Variants in ARID3B observed in about 807,000 individuals in gnomAD.
The protein encoded by ARID3B is AT-rich interactive domain-containing protein 3B.
A neutral mutation model predicts 51.9 loss-of-function variants in ARID3B; 10 were observed. The observed-to-expected ratio is 0.19, with a 90% CI of 0.12 to 0.33. ARID3B has a LOEUF of 0.33. ARID3B is among the 10% of genes least tolerant of loss of function. ARID3B has a pLI of 1.00. For missense variants in ARID3B, 483 were observed against 716.3 expected (o/e 0.67, Z 3.72); for synonymous variants, 205 against 279.5 (o/e 0.73, Z 2.66).
At chr15:74,570,879 C>T (rs555376296) in intron 2 of ARID3B, among the ~76,000 whole-genome samples, 1 of 152,216 alleles carries the variant, frequency 6.6e-6, no homozygotes, top group Admixed American at 6.5e-5. Context: ...TGAGCTTTAA[C>T]TTTTTTTTCT....
At position 74,544,452 on chromosome 15, in the gene ARID3B, A is replaced by G. The variant is rs765438579; in HGVS notation, c.516A>G (p.Gly172=). ...CCTCACCTTCTGTCTCCACAGCAGG[A>G]CAGCCGAACTGGAATCTGGATGAGC... ...SKASPSVSTA[G]QPNWNLDEQL... is the part of the protein sequence containing the mutation. Residue 172 remains glycine (G), a synonymous_variant, in exon 2 of 9, where the codon GGA becomes GGG. Transcript: ENST00000346246. The G allele has an allele frequency of 4.9e-5, 79 of 1,613,992 alleles. No homozygotes were observed. In the Admixed American group the frequency reaches 1.3e-3, roughly 26 times the overall value.
In ARID3B at chr15:74,591,546, C is replaced by T; in HGVS notation, c.1166-14C>T. 6.2e-7 allele frequency: 1 copy of T among 1,609,742 alleles called. No individual in the cohort carries two copies. On this transcript the variant is annotated splice_polypyrimidine_tract_variant and intron_variant, in intron 6 of 8. Transcript: ENST00000346246. The surrounding 1 kb of genome is among the most constrained non-coding windows in gnomAD (Gnocchi z 5.8). ...GGTCAATTGTGGATTGGTCCAGCTCCAGTTCCTTTGCAGGTGATGGAGCCC... is the reference window on the plus strand; with the variant it reads ...GGTCAATTGTGGATTGGTCCAGCTCTAGTTCCTTTGCAGGTGATGGAGCCC...
At chr15:74,574,328 C>T (rs1567122484) in intron 4 of ARID3B, 2 of 152,256 alleles carry the variant, frequency 1.3e-5, no homozygotes, top group Non-Finnish European at 2.9e-5. Context: ...GAGAGCTACT[C>T]CCAGTAGCCT....
Position 74,597,879 on chromosome 15 carries a change from C to T in ARID3B, c.*2105C>T, listed in dbSNP as rs918937250. ...CCCGATGAGGGGTGCCAGCAGGTGC[C>T]CCCACGAGTGGGGCCTTGGCCCAAG... is the stretch of plus-strand genomic sequence containing the variant. On this transcript the variant is annotated 3_prime_UTR_variant, in exon 9 of 9. Coordinates refer to ENST00000346246, the MANE Select transcript of ARID3B (RefSeq NM_006465.4). The T allele has an allele frequency of 1.9e-6, 1 of 528,074 alleles. No homozygotes were observed. The highest frequency in any genetic ancestry group is 1.9e-5 in the African/African-American group (1 of 53,584). The allele number at this position is 528,074 out of a possible 1,614,324, so 32.7% of individuals were successfully genotyped here.
intron 2 of ARID3B, among the ~76,000 whole-genome samples, chr15:74,571,147 G>C (rs1465405685): frequency 6.6e-6 from 1 of 152,122 alleles, no homozygotes; most frequent in Non-Finnish European, 1.5e-5. Context: ...TCGGAAAGTG[G>C]GTCTTCATCT....
At position 74,597,277 on chromosome 15, in the gene ARID3B, G is replaced by T. The variant is rs569297878; in HGVS notation, c.*1503G>T. On this transcript the variant is annotated 3_prime_UTR_variant, in exon 9 of 9. Transcript: ENST00000346246. ...CTTGCGGCTCACCTCAGTCGAGGAA[G>T]CCCTGGAATGTTCAGCAGAACACCA... is the stretch of plus-strand genomic sequence containing the variant. 78 of 394,312 alleles carry T rather than the reference G, an allele frequency of 2.0e-4. 1 individual carries two copies. The highest frequency in any genetic ancestry group is 1.5e-3 in the African/African-American group (73 of 49,082). The allele number at this position is 394,312 out of a possible 1,614,324, so 24.4% of individuals were successfully genotyped here.
chr15:74,582,312 C>T (rs1033004638), intron 4 of ARID3B, among the ~76,000 whole-genome samples: 3 of 151,970 alleles, frequency 2.0e-5, no homozygotes, highest in Non-Finnish European at 4.4e-5. Context: ...GGATTATAGG[C>T]GCCTGCCACC....
At chr15:74,594,718 CACTT>C (rs956893407) in intron 8 of ARID3B, among the ~76,000 whole-genome samples, 1 of 152,262 alleles carries the variant, frequency 6.6e-6, no homozygotes, top group African/African-American at 2.4e-5. Flanking sequence ...CTGGGCCACT[CACTT>C]CAGAGAGAGG....
intron 7 of ARID3B, among the ~76,000 whole-genome samples, chr15:74,592,691 G>A (rs1387059094): frequency 6.6e-6 from 1 of 152,252 alleles, no homozygotes; most frequent in East Asian, 1.9e-4. Flanking sequence ...TGGTCATGGA[G>A]GGGAGGGGCT....
Position 74,573,327 on chromosome 15 carries a change from T to C in ARID3B, c.697+123T>C, listed in dbSNP as rs2061725969. 2.1e-5 allele frequency: 22 copies of C among 1,073,048 alleles called. No individual in the cohort carries two copies. In the South Asian group the frequency reaches 2.7e-4, roughly 13 times the overall value. 66.5% of individuals were successfully genotyped at this position (1,073,048 alleles called of 1,614,324 possible). Reference sequence around the variant, plus strand: ...ATCCAGGAGGAGAAGAGGCATTTACTGCCAGTTGGTTCTGGATTTAGCCAA... The same window carrying C: ...ATCCAGGAGGAGAAGAGGCATTTACCGCCAGTTGGTTCTGGATTTAGCCAA... On this transcript the variant is annotated intron_variant, in intron 4 of 8. Coordinates refer to ENST00000346246, the MANE Select transcript of ARID3B (RefSeq NM_006465.4).
At chr15:74,584,027 TCCTTTC>T (rs2061771293) in intron 4 of ARID3B, among the ~76,000 whole-genome samples, 2 of 152,232 alleles carry the variant, frequency 1.3e-5, no homozygotes, top group African/African-American at 4.8e-5. Context: ...CGTTTCTTTT[TCCTTTC>T]CCTTTCCTAT....
chr15:74,571,722 A>C (rs77476383), intron 2 of ARID3B, among the ~76,000 whole-genome samples: 3,545 of 152,348 alleles, frequency 0.023, 37 homozygotes, highest in Middle Eastern at 0.044. Context: ...AATATGTTAA[A>C]ATCTAAGCTA....
At chr15:74,560,852 G>A (rs1449712893) in intron 2 of ARID3B, among the ~76,000 whole-genome samples, 2 of 152,114 alleles carry the variant, frequency 1.3e-5, no homozygotes, top group Non-Finnish European at 2.9e-5. Flanking sequence ...TGTTGATTAG[G>A]TGTCTATGTA....
At chr15:74,542,884 G>C (rs933245333) in intron 1 of ARID3B, among the ~76,000 whole-genome samples, 11 of 152,164 alleles carry the variant, frequency 7.2e-5, no homozygotes, top group African/African-American at 2.7e-4. Flanking sequence ...TGAAAGTGAT[G>C]TGTGTTTGGA....
chr15:74,572,507 T>C (rs995432872), intron 2 of ARID3B, among the ~76,000 whole-genome samples: 4 of 152,222 alleles, frequency 2.6e-5, no homozygotes, highest in Admixed American at 6.5e-5. Flanking sequence ...GAGTGATGGC[T>C]TCTGGCGATC....
At chr15:74,556,762 TTTTTTTG>T (rs2061659506) in intron 2 of ARID3B, among the ~76,000 whole-genome samples, 1 of 145,918 alleles carries the variant, frequency 6.9e-6, no homozygotes, top group Non-Finnish European at 1.5e-5. Flanking sequence ...CCTTTTTTCT[TTTTTTTG>T]TTTTTTGTTT....
intron 4 of ARID3B, chr15:74,573,900 C>T (rs1198753687): frequency 6.6e-6 from 1 of 152,240 alleles, no homozygotes; most frequent in Non-Finnish European, 1.5e-5. Flanking sequence ...TACCACCACA[C>T]CTGGCTAATT....
Position 74,591,054 on chromosome 15 carries a change from GCC to G in ARID3B, c.882-95_882-94del. 6.6e-7 allele frequency: 1 copy of G among 1,510,010 alleles called. No individual in the cohort carries two copies. The highest frequency in any genetic ancestry group is 8.9e-7 in the Non-Finnish European group (1 of 1,127,046). The allele number at this position is 1,510,010 out of a possible 1,614,324, so 93.5% of individuals were successfully genotyped here. A position where few individuals can be genotyped will look rare whatever the true frequency, so the allele number is the denominator to read the frequency against. On this transcript the variant is annotated intron_variant, in intron 5 of 8. Transcript: ENST00000346246. The surrounding 1 kb of genome is among the most constrained non-coding windows in gnomAD (Gnocchi z 5.8). Reference sequence around the variant, plus strand: ...TTGCAATCCTTTGCCCTAGAGTCCTGCCCAACAGAGACTGCTTCCAGAGACCC... The same window carrying G: ...TTGCAATCCTTTGCCCTAGAGTCCTGCAACAGAGACTGCTTCCAGAGACCC...
chr15:74,594,442 C>T (rs1294353683), intron 8 of ARID3B, among the ~76,000 whole-genome samples: 2 of 151,754 alleles, frequency 1.3e-5, no homozygotes, highest in South Asian at 2.1e-4. Context: ...AGTGAGACTC[C>T]GTCTCAAAAA....
Sources: gnomAD v4.1 joint callset for allele counts (sites outside exome capture counted in the v4.1 genomes callset) on GRCh38, gnomAD v4.1.1 for gene constraint, Gnocchi (gnomAD v3.1) non-coding constraint, MANE v1.5 for transcripts, NCBI Gene and HGNC (gene_info 2026-07-23, HGNC 2026-07-21) for gene names.